HSPA14: variants seen among roughly 807,000 people sequenced by gnomAD.
HSPA14 encodes the protein heat shock 70 kDa protein 14.
A neutral mutation model predicts 65.5 loss-of-function variants in HSPA14; 37 were observed. The ratio of observed to expected loss-of-function variants is 0.56; its 90% CI spans 0.43 to 0.74. The LOEUF (loss-of-function observed/expected upper bound fraction) is 0.74, where lower values mean the gene tolerates loss of function less well. Among genes scored for constraint, HSPA14 ranks in the 30% least tolerant of loss-of-function variants. HSPA14 has a pLI of 0.00. For synonymous variants in HSPA14, 203 were observed against 214.2 expected, an observed-to-expected ratio of 0.95 and a Z score of 0.46; for missense variants, 564 against 607.6, an observed-to-expected ratio of 0.93 and a Z score of 0.75.
At chr10:14,845,240 G>C in intron 3 of HSPA14, 1 of 985,032 alleles carries the variant, frequency 1.0e-6, no homozygotes. Context: ...GATTTACTTA[G>C]TACTTTTAGG....
chr10:14,845,595 A>G, intron 3 of HSPA14: 1 of 909,224 alleles, frequency 1.1e-6, no homozygotes, highest in Non-Finnish European at 1.3e-6. Context: ...TTCTATTATT[A>G]TTATTTTTTT....
intron 3 of HSPA14, chr10:14,846,508 A>G: frequency 4.1e-6 from 4 of 985,398 alleles, no homozygotes; most frequent in Non-Finnish European, 4.8e-6. Context: ...GGAAATTGGA[A>G]TACAGGGAGA....
Position 14,867,810 on chromosome 10 carries a change from A to G in HSPA14, c.1281A>G (p.Gln427=), listed in dbSNP as rs772931411. 1 of 1,614,150 alleles carries G rather than the reference A, an allele frequency of 6.2e-7. No individual in the cohort carries two copies. Among genetic ancestry groups the G allele is most frequent in the Non-Finnish European group, 8.5e-7 (1 of 1,180,016 alleles). The stretch of plus-strand genomic sequence containing the variant: ...GGACTCCTTTGCCAGCTCGAAGACA[A>G]CACACATTGCAAGCCCCTGGAAGCA... ...PSGTPLPARR[Q]HTLQAPGSIS... is the part of the protein sequence containing the mutation. The change falls in exon 12 of 14, where the codon CAA becomes CAG. Residue 427 remains glutamine (Q), a synonymous_variant. Coordinates refer to ENST00000378372, the MANE Select transcript of HSPA14 (RefSeq NM_016299.4).
rs373214103 is a variant in HSPA14 at position 14,841,491 on chromosome 10, G to GT, written c.221+1335dup. ...ATTGCTGGATTCACCACCTCTCCCC[G>GT]TGGTTATATCTTGCAAAATTATAGT... On this transcript the variant is annotated intron_variant, in intron 3 of 13. Coordinates refer to ENST00000378372, the MANE Select transcript of HSPA14 (RefSeq NM_016299.4). 2.7e-3 allele frequency among the ~76,000 whole-genome samples: 418 copies of GT among 152,168 alleles called. 2 individuals are homozygous for GT. Among genetic ancestry groups the GT allele is most frequent in the African/African-American group, 9.6e-3 (397 of 41,534 alleles).
intron 3 of HSPA14, chr10:14,844,261 C>T (rs1005900750): frequency 2.7e-4 from 292 of 1,079,306 alleles, no homozygotes; most frequent in Admixed American, 1.7e-3. Context: ...GTGAGGATCA[C>T]GTAGTTCATA....
chr10:14,838,529 A>G lies in HSPA14; in HGVS notation c.57+70A>G, dbSNP rs1833921898. On this transcript the variant is annotated intron_variant, in intron 1 of 13. Transcript: ENST00000378372. ...GGTTTTCTGGCGCTGGGTCATCCAC[A>G]GGCTTGAGAGCGGCGTGTCGCCGGC... is the stretch of plus-strand genomic sequence containing the variant. The G allele has an allele frequency of 2.8e-6, 4 of 1,424,604 alleles. No homozygotes were observed. In the South Asian group the frequency reaches 5.0e-5, roughly 18 times the overall value. 88.2% of individuals were successfully genotyped at this position (1,424,604 alleles called of 1,614,324 possible). A position where few individuals can be genotyped will look rare whatever the true frequency, so the allele number is the denominator to read the frequency against.
chr10:14,839,840 G>C, intron 1 of HSPA14, 65 bp from the exon 2 acceptor site: 2 of 1,154,320 alleles, frequency 1.7e-6, no homozygotes, highest in South Asian at 2.9e-5. Flanking sequence ...AAGTAACACT[G>C]GTGCACAAAT....
chr10:14,864,092 C>T (rs1336631451), intron 10 of HSPA14, among the ~76,000 whole-genome samples: 2 of 151,898 alleles, frequency 1.3e-5, no homozygotes, highest in Non-Finnish European at 2.9e-5. Context: ...GTGACACACC[C>T]CTGTAGTCCC....
Position 14,870,592 on chromosome 10 carries a change from A to C in HSPA14, c.1381-5A>C, listed in dbSNP as rs772131020. 1 of 1,583,728 alleles carries C rather than the reference A, an allele frequency of 6.3e-7. No homozygotes were observed. Among genetic ancestry groups the C allele is most frequent in the African/African-American group, 1.3e-5 (1 of 74,098 alleles). On this transcript the variant is annotated splice_polypyrimidine_tract_variant and splice_region_variant and intron_variant, in intron 12 of 13. Coordinates refer to ENST00000378372, the MANE Select transcript of HSPA14 (RefSeq NM_016299.4). Reference sequence around the variant, plus strand: ...ATTCTCTTCATATTGTTCTTGTATAAACAGGTTGTACTCCAGGATTTAGAT... The same window carrying C: ...ATTCTCTTCATATTGTTCTTGTATACACAGGTTGTACTCCAGGATTTAGAT...
At chr10:14,845,913 T>G (rs1309630264) in intron 3 of HSPA14, 1 of 612,070 alleles carries the variant, frequency 1.6e-6, no homozygotes, top group African/African-American at 2.0e-5. Context: ...GTATTAGATT[T>G]TTTTTTTCCT....
At chr10:14,853,790 G>C (rs1834125272) in intron 8 of HSPA14, among the ~76,000 whole-genome samples, 1 of 152,100 alleles carries the variant, frequency 6.6e-6, no homozygotes, top group South Asian at 2.1e-4. Context: ...TGCAATCTCG[G>C]CTCACTGCAA....
chr10:14,838,575 C>A, intron 1 of HSPA14, 116 bp downstream of exon 1: 2 of 1,042,092 alleles, frequency 1.9e-6, no homozygotes, highest in Non-Finnish European at 1.4e-6. Context: ...CGTGGAGTGG[C>A]GTTGCCGCGA....
chr10:14,840,871 C>T (rs545782593), intron 3 of HSPA14, among the ~76,000 whole-genome samples: 23 of 152,088 alleles, frequency 1.5e-4, no homozygotes, highest in African/African-American at 2.7e-4. Flanking sequence ...AAATTGGCAA[C>T]GCAAATACTA....
intron 13 of HSPA14, 68 bp downstream of exon 13, chr10:14,870,735 AT>A: frequency 6.0e-6 from 8 of 1,322,844 alleles, no homozygotes; most frequent in Non-Finnish European, 7.1e-6. Flanking sequence ...GAGTTTATTG[AT>A]TTTTTTATTT....
At position 14,870,642 on chromosome 10, in the gene HSPA14, A is replaced by G; in HGVS notation, c.1426A>G (p.Ile476Val). 2 of 1,581,988 alleles carry G rather than the reference A, an allele frequency of 1.3e-6. No homozygotes were observed. Among genetic ancestry groups the G allele is most frequent in the South Asian group, 1.1e-5 (1 of 88,460 alleles). The change falls in exon 13 of 14, where the codon ATA becomes GTA. Residue 476 changes from isoleucine (I) to valine (V), a missense_variant. Coordinates refer to ENST00000378372, the MANE Select transcript of HSPA14 (RefSeq NM_016299.4). ...LDKKENGLRDILAVLTMKRDG... is the reference protein window; with the variant it reads ...LDKKENGLRDVLAVLTMKRDG... The stretch of plus-strand genomic sequence containing the variant: ...TAAAAAAGAAAATGGATTACGTGAT[A>G]TATTAGCTGTTCTTACTATGAAAAG...
At position 14,857,723 on chromosome 10, in the gene HSPA14, C is replaced by CTTA. The variant is rs1832718450; in HGVS notation, c.993+1781_993+1783dup. 2.6e-5 allele frequency among the ~76,000 whole-genome samples: 4 copies of CTTA among 152,152 alleles called. 1 individual carries two copies. Among genetic ancestry groups the CTTA allele is most frequent in the Admixed American group, 2.6e-4 (4 of 15,276 alleles). ...TCCTGCTAGGGAGGAGGGTGTTTGA[C>CTTA]TTACTCTTGATCTTTGACTCTGTTT... On this transcript the variant is annotated intron_variant, in intron 10 of 13. Coordinates refer to ENST00000378372, the MANE Select transcript of HSPA14 (RefSeq NM_016299.4).
rs775757994 is a variant in HSPA14 at position 14,851,214 on chromosome 10, C to T, written c.468-5C>T. ...TTAAATTCATTGAAAGCAAATTGTT[C>T]ACAGAGAAGCAGCTAGAGCTGCTGG... On this transcript the variant is annotated splice_region_variant and splice_polypyrimidine_tract_variant and intron_variant, in intron 6 of 13. Transcript: ENST00000378372. The T allele has an allele frequency of 2.0e-6, 3 of 1,522,148 alleles. No individual in the cohort carries two copies. Among genetic ancestry groups the T allele is most frequent in the Non-Finnish European group, 9.0e-7 (1 of 1,109,418 alleles). The allele number at this position is 1,522,148 out of a possible 1,614,324, so 94.3% of individuals were successfully genotyped here. A position where few individuals can be genotyped will look rare whatever the true frequency, so the allele number is the denominator to read the frequency against.
At chr10:14,868,861 T>C (rs1377359075) in intron 12 of HSPA14, among the ~76,000 whole-genome samples, 1 of 152,256 alleles carries the variant, frequency 6.6e-6, no homozygotes, top group African/African-American at 2.4e-5. Flanking sequence ...TTTTTTCTTT[T>C]TTTGAGACGG....
intron 3 of HSPA14, chr10:14,843,462 G>T (rs200573242): frequency 5.2e-6 from 8 of 1,550,540 alleles, no homozygotes; most frequent in Non-Finnish European, 5.2e-6. Flanking sequence ...TGGCCAGACT[G>T]GGTGTGTCCG....
Sources: gnomAD v4.1 joint callset for allele counts (sites outside exome capture counted in the v4.1 genomes callset) on GRCh38, gnomAD v4.1.1 for gene constraint, MANE v1.5 for transcripts, NCBI Gene and HGNC (gene_info 2026-07-23, HGNC 2026-07-21) for gene names.